KIDINS220: variants seen among roughly 807,000 people sequenced by gnomAD.
KIDINS220 encodes kinase D interacting substrate 220, also known as kinase D-interacting substrate of 220 kDa.
KIDINS220 carries 63 observed loss-of-function variants against 157.6 expected under a neutral mutation model. That is an observed-to-expected ratio of 0.40 (90% confidence interval 0.33 to 0.49). The LOEUF (loss-of-function observed/expected upper bound fraction) is 0.49. Ranked by LOEUF, KIDINS220 falls within the 20% of genes least tolerant of loss-of-function variation. The pLI is 0.66. For missense variants in KIDINS220, 1,772 were observed against 2,171.2 expected (o/e 0.82, Z 3.65); for synonymous variants, 732 against 783.6 (o/e 0.93, Z 1.10).
intron 29 of KIDINS220, among the ~76,000 whole-genome samples, chr2:8,732,926 C>T (rs969246858): frequency 6.6e-6 from 1 of 152,180 alleles, no homozygotes; most frequent in African/African-American, 2.4e-5. Flanking sequence ...TACCCCTACC[C>T]CTCACCTGGC....
chr2:8,759,004 T>C (rs921371148), intron 22 of KIDINS220, among the ~76,000 whole-genome samples: 2 of 152,232 alleles, frequency 1.3e-5, no homozygotes, highest in African/African-American at 4.8e-5. Flanking sequence ...GGTCACAGAA[T>C]ATTCTCAAGA....
intron 9 of KIDINS220, among the ~76,000 whole-genome samples, chr2:8,799,469 C>T (rs1334008340): frequency 6.6e-6 from 1 of 152,092 alleles, no homozygotes; most frequent in African/African-American, 2.4e-5. Context: ...CATCTTCAAA[C>T]TTAGCTCAAG....
rs773104291 is a variant in KIDINS220, at chr2:8,817,648, T to C, written c.276A>G (p.Lys92=). The change falls in exon 4 of 30, where the codon AAA becomes AAG. Residue 92 remains lysine, a synonymous_variant. Transcript: ENST00000256707. The stretch of plus-strand genomic sequence containing the variant: ...CACGGTGCTCCAAGTTAACCCCACA[T>C]TTCAGTAGTTCCTCTACGATGTGCA... ...GHVHIVEELL[K]CGVNLEHRDM... 1.2e-5 allele frequency: 20 copies of C among 1,606,772 alleles called. No individual in the cohort carries two copies. The highest frequency in any genetic ancestry group is 1.4e-5 in the Non-Finnish European group (17 of 1,175,888).
intron 22 of KIDINS220, among the ~76,000 whole-genome samples, chr2:8,758,550 C>G (rs1289298073): frequency 6.6e-6 from 1 of 152,098 alleles, no homozygotes; most frequent in Non-Finnish European, 1.5e-5. Context: ...ATTCTGTTCT[C>G]TGTTTTATGT....
intron 4 of KIDINS220, among the ~76,000 whole-genome samples, chr2:8,816,902 T>C (rs138110060): frequency 1.2e-4 from 18 of 152,354 alleles, no homozygotes; most frequent in African/African-American, 4.1e-4. Flanking sequence ...GAAATTATAA[T>C]GTGCTATTAA....
chr2:8,776,899 C>A lies in KIDINS220; in HGVS notation c.2704-7G>T. On this transcript the variant is annotated splice_polypyrimidine_tract_variant and splice_region_variant and intron_variant, in intron 20 of 29. Transcript: ENST00000256707. The stretch of plus-strand genomic sequence containing the variant: ...GCCTTCTTCGGTAAGTGTCCTGAAA[C>A]AGCACGTCGTCAGTGAGAAGGAACC... The A allele has an allele frequency of 6.2e-7, 1 of 1,613,102 alleles. No individual in the cohort carries two copies. The highest frequency in any genetic ancestry group is 8.5e-7 in the Non-Finnish European group (1 of 1,179,566).
chr2:8,794,530 G>A (rs1284569077), intron 11 of KIDINS220, among the ~76,000 whole-genome samples: 1 of 152,040 alleles, frequency 6.6e-6, no homozygotes, highest in Non-Finnish European at 1.5e-5. Context: ...CTCCACCTGA[G>A]TCCTCTATGT....
chr2:8,730,974 T>A lies in KIDINS220; in HGVS notation c.5062A>T (p.Asn1688Tyr). ...TTGGCTCTGTTGGCTGGAGCACTAT[T>A]GTTGTTCAGAGTCACGGTGCTGGGA... Reference protein sequence around the residue: ...RTPSTVTLNNNSAPANRANQN... With the variant: ...RTPSTVTLNNYSAPANRANQN... The change falls in exon 30 of 30, where the codon AAT (asparagine) becomes TAT (tyrosine). Residue 1688 changes from asparagine (N) to tyrosine (Y), a missense_variant. This residue lies in a region of KIDINS220 where 793 missense variants were observed against 885.5 expected (regional missense o/e 0.90). Transcript: ENST00000256707. The A allele has an allele frequency of 6.2e-7, 1 of 1,614,212 alleles. No individual in the cohort carries two copies.
At chr2:8,795,322 T>G (rs889259143) in intron 11 of KIDINS220, among the ~76,000 whole-genome samples, 1 of 152,144 alleles carries the variant, frequency 6.6e-6, no homozygotes, top group African/African-American at 2.4e-5. Flanking sequence ...CAATTCCAAT[T>G]CTCATCCCCA....
Position 8,773,846 on chromosome 2 carries a change from G to A in KIDINS220, c.2848+2902C>T, listed in dbSNP as rs192381010. ...AGTGCAACCACACTGGCCTCCAGCT[G>A]TTGCTGGAATTCCACCCCAGAGCCT... On this transcript the variant is annotated intron_variant, in intron 21 of 29. Transcript: ENST00000256707. Among the ~76,000 whole-genome samples, 216 of 152,200 alleles carry A rather than the reference G, an allele frequency of 1.4e-3. 2 individuals carry two copies. The highest frequency in any genetic ancestry group is 4.9e-3 in the African/African-American group (204 of 41,532).
In KIDINS220 at chr2:8,731,029, T is replaced by G; in HGVS notation, c.5007A>C (p.Ala1669=). The G allele has an allele frequency of 6.2e-7, 1 of 1,614,246 alleles. No homozygotes were observed. Among genetic ancestry groups the G allele is most frequent in the Non-Finnish European group, 8.5e-7 (1 of 1,180,044 alleles). Residue 1669 remains alanine (A), a synonymous_variant, in exon 30 of 30, where the codon GCA becomes GCC. Coordinates refer to ENST00000256707, the MANE Select transcript of KIDINS220 (RefSeq NM_020738.4). The surrounding 1 kb of genome is among the most constrained non-coding windows in gnomAD (Gnocchi z 5.2). ...IASSPEENWP[A]CQKAYNLNRT... ...GGTTCAGGTTGTAGGCTTTCTGGCA[T>G]GCAGGCCAGTTTTCTTCAGGGCTGC... is the stretch of plus-strand genomic sequence containing the variant.
At chr2:8,723,726 T>C (rs1663106644), downstream of KIDINS220, 1 of 152,242 alleles carries the variant, frequency 6.6e-6, no homozygotes, top group Non-Finnish European at 1.5e-5. Context: ...TCAGACATTC[T>C]GTGATGGTCC....
At chr2:8,831,041 A>C (rs1332500963) in intron 1 of KIDINS220, among the ~76,000 whole-genome samples, 5 of 152,222 alleles carry the variant, frequency 3.3e-5, no homozygotes, top group Non-Finnish European at 7.3e-5. Flanking sequence ...ACACTGAAGC[A>C]AGAGTGACCT....
Position 8,800,626 on chromosome 2 carries a change from A to G in KIDINS220, c.802-128T>C, listed in dbSNP as rs1674557970. The G allele has an allele frequency of 9.2e-6, 6 of 651,736 alleles. No homozygotes were observed. The Admixed American group carries it at 1.2e-4, about 13-fold the overall frequency. 40.4% of individuals were successfully genotyped at this position (651,736 alleles called of 1,614,324 possible). A position where few individuals can be genotyped will look rare whatever the true frequency, so the allele number is the denominator to read the frequency against. ...TTTCTTGGAAAAAGTCTACCTCTAA[A>G]TAAGAGAAAAATGTTACTTAACTAA... On this transcript the variant is annotated intron_variant, in intron 8 of 29. Coordinates refer to ENST00000256707, the MANE Select transcript of KIDINS220 (RefSeq NM_020738.4).
chr2:8,781,773 T>TGA (rs1192615501), intron 17 of KIDINS220, among the ~76,000 whole-genome samples: 1 of 152,078 alleles, frequency 6.6e-6, no homozygotes, highest in African/African-American at 2.4e-5. Context: ...AAAGAACAGC[T>TGA]GAGAAGAAAA....
chr2:8,736,470 T>G (rs529243369), intron 27 of KIDINS220, among the ~76,000 whole-genome samples: 1 of 152,350 alleles, frequency 6.6e-6, no homozygotes, highest in South Asian at 2.1e-4. Flanking sequence ...TGGCTTACTT[T>G]GATAATCACT....
At chr2:8,748,881 A>G (rs1666929210) in intron 24 of KIDINS220, among the ~76,000 whole-genome samples, 2 of 152,236 alleles carry the variant, frequency 1.3e-5, no homozygotes, top group African/African-American at 4.8e-5. Context: ...ATTAGTGAAC[A>G]TAGTATTTCA....
At chr2:8,794,029 T>C (rs1013320678) in intron 11 of KIDINS220, 42 bp from the exon 12 acceptor site, 6 of 1,457,972 alleles carry the variant, frequency 4.1e-6, no homozygotes, top group Middle Eastern at 3.6e-4. Context: ...CTTATCTTTA[T>C]ATATAGTATG....
intron 21 of KIDINS220, among the ~76,000 whole-genome samples, chr2:8,776,060 A>G (rs760830932): frequency 3.9e-5 from 6 of 152,162 alleles, no homozygotes; most frequent in Non-Finnish European, 7.4e-5. Context: ...AGGCTTGAGA[A>G]CTCACTTAAA....
Sources: allele counts gnomAD v4.1 joint callset (sites outside exome capture counted in the v4.1 genomes callset), GRCh38; gene constraint gnomAD v4.1.1; regional missense constraint gnomAD v4.1.1; non-coding constraint Gnocchi (gnomAD v3.1); transcripts MANE v1.5; gene names NCBI Gene and HGNC (gene_info 2026-07-23, HGNC 2026-07-21).